GTF2E2: variants seen among roughly 807,000 people sequenced by gnomAD.
GTF2E2 encodes the protein transcription initiation factor IIE subunit beta.
A neutral mutation model predicts 40.5 loss-of-function variants in GTF2E2; 21 were observed. The observed-to-expected ratio is 0.52, with a 90% CI of 0.37 to 0.75. The LOEUF (loss-of-function observed/expected upper bound fraction) is 0.75. Among genes scored for constraint, GTF2E2 ranks in the 30% least tolerant of loss-of-function variants. The pLI is 0.00. For synonymous variants in GTF2E2, 117 were observed against 121.6 expected, an observed-to-expected ratio of 0.96 and a Z score of 0.25; for missense variants, 298 against 338.4, an observed-to-expected ratio of 0.88 and a Z score of 0.94.
At chr8:30,604,988 T>C (rs554416628) in intron 6 of GTF2E2, among the ~76,000 whole-genome samples, 1 of 152,212 alleles carries the variant, frequency 6.6e-6, no homozygotes, top group East Asian at 1.9e-4. Flanking sequence ...CAGCTTAGCG[T>C]GCAGATTACA....
intron 2 of GTF2E2, 117 bp from the exon 3 acceptor site, chr8:30,635,240 A>G (rs1479517708): frequency 5.1e-6 from 3 of 585,086 alleles, no homozygotes; most frequent in Non-Finnish European, 9.0e-6. Context: ...AGTATATTCT[A>G]CCCTGTAATA....
chr8:30,613,400 T>C (rs1381534986), intron 4 of GTF2E2, among the ~76,000 whole-genome samples: 1 of 152,208 alleles, frequency 6.6e-6, no homozygotes, highest in Non-Finnish European at 1.5e-5. Flanking sequence ...TCTAGTCAGT[T>C]CTGTTGTACA....
intron 6 of GTF2E2, 54 bp from the exon 7 acceptor site, chr8:30,580,450 T>A (rs1235355435): frequency 1.2e-5 from 12 of 992,750 alleles, no homozygotes; most frequent in Non-Finnish European, 1.9e-5. Context: ...AACTATAGCA[T>A]CTTGATCAAA....
rs1802354335 is a variant in GTF2E2 at position 30,653,488 on chromosome 8, CTTT to C, written c.108_110del (p.Lys40del). On this transcript the variant is annotated inframe_deletion, in exon 2 of 8. Coordinates refer to ENST00000355904, the MANE Select transcript of GTF2E2 (RefSeq NM_002095.6). The stretch of plus-strand genomic sequence containing the variant: ...CATGTTCTACCTTTGTTTTCTTCTT[CTTT>C]GACGATGATGATGATGACTCAGAAG... 2.5e-6 allele frequency: 4 copies of C among 1,613,742 alleles called. No homozygotes were observed. In the African/African-American group the frequency reaches 4.0e-5, roughly 16 times the overall value.
intron 3 of GTF2E2, among the ~76,000 whole-genome samples, chr8:30,621,957 G>A (rs984535651): frequency 1.3e-4 from 19 of 144,282 alleles, no homozygotes; most frequent in Admixed American, 1.2e-3. Flanking sequence ...TTAAATCTAG[G>A]GGGTTCTTAT....
At chr8:30,610,211 G>A (rs563592337) in intron 5 of GTF2E2, among the ~76,000 whole-genome samples, 1 of 152,184 alleles carries the variant, frequency 6.6e-6, no homozygotes, top group African/African-American at 2.4e-5. Context: ...TTGGGAAGCC[G>A]AGGGTGGGCA....
chr8:30,589,763 G>T (rs1348054903), intron 6 of GTF2E2, among the ~76,000 whole-genome samples: 5 of 152,094 alleles, frequency 3.3e-5, no homozygotes, highest in Non-Finnish European at 5.9e-5. Flanking sequence ...AGAAGAACTT[G>T]GCAGCACTTG....
intron 3 of GTF2E2, among the ~76,000 whole-genome samples, chr8:30,616,392 A>T (rs766736803): frequency 1.3e-5 from 2 of 152,108 alleles, no homozygotes; most frequent in Non-Finnish European, 2.9e-5. Flanking sequence ...GCCAAGATCA[A>T]GCCATTGCAT....
At chr8:30,646,384 G>T (rs1157942631) in intron 2 of GTF2E2, among the ~76,000 whole-genome samples, 1 of 148,920 alleles carries the variant, frequency 6.7e-6, no homozygotes, top group Non-Finnish European at 1.5e-5. Flanking sequence ...TCAAAAGATA[G>T]GGCCACTCAA....
At chr8:30,642,183 C>T (rs1343216221) in intron 2 of GTF2E2, among the ~76,000 whole-genome samples, 2 of 150,980 alleles carry the variant, frequency 1.3e-5, no homozygotes, top group African/African-American at 4.9e-5. Flanking sequence ...ATTAGGCTAA[C>T]GTTTTGTATT....
chr8:30,609,481 C>T (rs1468051641), intron 5 of GTF2E2, among the ~76,000 whole-genome samples: 4 of 151,926 alleles, frequency 2.6e-5, no homozygotes, highest in Non-Finnish European at 2.9e-5. Context: ...AACCTGAAGG[C>T]ATTGCTAAAA....
intron 7 of GTF2E2, among the ~76,000 whole-genome samples, chr8:30,579,874 C>T (rs1237101253): frequency 6.6e-6 from 1 of 152,196 alleles, no homozygotes; most frequent in East Asian, 1.9e-4. Flanking sequence ...GTTACTATGG[C>T]AGAACCAGGC....
At chr8:30,616,680 T>C (rs1800927951) in intron 3 of GTF2E2, among the ~76,000 whole-genome samples, 1 of 152,066 alleles carries the variant, frequency 6.6e-6, no homozygotes, top group South Asian at 2.1e-4. Flanking sequence ...GTAGGTTCAT[T>C]GACTGTCACA....
At chr8:30,630,476 C>G (rs754342412) in intron 3 of GTF2E2, among the ~76,000 whole-genome samples, 6 of 152,152 alleles carry the variant, frequency 3.9e-5, no homozygotes, top group African/African-American at 9.7e-5. Context: ...CTATAAGGAG[C>G]ATTTCTGTTG....
At chr8:30,594,386 T>C (rs535954243) in intron 6 of GTF2E2, among the ~76,000 whole-genome samples, 4 of 151,570 alleles carry the variant, frequency 2.6e-5, no homozygotes, top group Non-Finnish European at 5.9e-5. Flanking sequence ...GCCTCCTGAG[T>C]AGCTGGGCTT....
At chr8:30,623,270 C>T (rs1801166957) in intron 3 of GTF2E2, among the ~76,000 whole-genome samples, 2 of 152,072 alleles carry the variant, frequency 1.3e-5, no homozygotes, top group African/African-American at 4.8e-5. Flanking sequence ...TGTTCAATTC[C>T]CACCTATGAG....
chr8:30,644,576 A>G (rs957571234), intron 2 of GTF2E2: 1 of 151,384 alleles, frequency 6.6e-6, no homozygotes, highest in African/African-American at 2.4e-5. Context: ...CAAAAAGGTA[A>G]GAAGAATCCA....
At chr8:30,598,979 G>A (rs891038644) in intron 6 of GTF2E2, among the ~76,000 whole-genome samples, 1 of 152,142 alleles carries the variant, frequency 6.6e-6, no homozygotes, top group African/African-American at 2.4e-5. Context: ...GCAACAAAGC[G>A]AGACCCTGTC....
intron 6 of GTF2E2, among the ~76,000 whole-genome samples, chr8:30,594,857 C>CAA (rs201819515): frequency 7.5e-5 from 8 of 106,458 alleles, no homozygotes; most frequent in African/African-American, 1.7e-4. Context: ...AACTTCATCT[C>CAA]AAAAAAAAAA....
Sources: allele counts gnomAD v4.1 joint callset (sites outside exome capture counted in the v4.1 genomes callset), GRCh38; gene constraint gnomAD v4.1.1; transcripts MANE v1.5; gene names NCBI Gene and HGNC (gene_info 2026-07-23, HGNC 2026-07-21).